The following ATAD1 variants were observed in gnomAD, a reference collection of about 807,000 sequenced individuals.
ATAD1 encodes the protein ATPase family AAA domain containing 1.
A neutral mutation model predicts 42.7 loss-of-function variants in ATAD1; 18 were observed. That is an observed-to-expected ratio of 0.42 (90% CI 0.29 to 0.63). The LOEUF is 0.63. ATAD1 is among the 20% of genes least tolerant of loss of function. The probability of loss-of-function intolerance (pLI) is 0.19; values close to 1 mark genes in which losing one functional copy is unlikely to be tolerated. For synonymous variants in ATAD1, 132 were observed against 143.1 expected, an observed-to-expected ratio of 0.92 and a Z score of 0.55; for missense variants, 294 against 440.4, an observed-to-expected ratio of 0.67 and a Z score of 2.98.
chr10:87,764,614 T>C (rs949508703), intron 8 of ATAD1, among the ~76,000 whole-genome samples: 3 of 152,232 alleles, frequency 2.0e-5, no homozygotes, highest in Admixed American at 6.5e-5. Context: ...TGAGATATTA[T>C]GTTTCTCCTG....
At chr10:87,826,735 C>G (rs958254002) in intron 1 of ATAD1, among the ~76,000 whole-genome samples, 4 of 152,100 alleles carry the variant, frequency 2.6e-5, no homozygotes, top group African/African-American at 9.7e-5. Flanking sequence ...CTCTTCTGTC[C>G]CTCTCTCACC....
At chr10:87,794,464 C>T (rs112521371) in intron 2 of ATAD1, among the ~76,000 whole-genome samples, 92 of 152,278 alleles carry the variant, frequency 6.0e-4, no homozygotes, top group Non-Finnish European at 1.1e-3. Context: ...ATGTGAAACC[C>T]TCCCACATGT....
intron 1 of ATAD1, among the ~76,000 whole-genome samples, chr10:87,824,924 C>A (rs1318513643): frequency 6.6e-6 from 1 of 152,084 alleles, no homozygotes; most frequent in Admixed American, 6.5e-5. Flanking sequence ...CCCTACGACC[C>A]AAAGATAATA....
At position 87,768,982 on chromosome 10, in the gene ATAD1, C is replaced by G. The variant is rs557590989; in HGVS notation, c.781-1259G>C. 2.8e-4 allele frequency among the ~76,000 whole-genome samples: 42 copies of G among 152,130 alleles called. No homozygotes were observed. The South Asian group carries it at 3.9e-3, about 14-fold the overall frequency. On this transcript the variant is annotated intron_variant, in intron 7 of 9. Transcript: ENST00000680024. ...TATAGTCCTAACTACTCAGGAGGCT[C>G]AGGTGGAAAGACTGTTTGAGCCCAA...
chr10:87,781,667 G>A (rs1000246785), intron 5 of ATAD1, among the ~76,000 whole-genome samples: 2 of 152,076 alleles, frequency 1.3e-5, no homozygotes, highest in Non-Finnish European at 2.9e-5. Context: ...TGAAGATGGG[G>A]TCTTGCTCTG....
intron 2 of ATAD1, among the ~76,000 whole-genome samples, chr10:87,803,718 G>A (rs2132013107): frequency 6.6e-6 from 1 of 152,372 alleles, no homozygotes; most frequent in East Asian, 1.9e-4. Flanking sequence ...GCTGTGTCAT[G>A]GGTGCATGTT....
At chr10:87,767,984 T>TTTA (rs372313093) in intron 7 of ATAD1, among the ~76,000 whole-genome samples, 4 of 152,302 alleles carry the variant, frequency 2.6e-5, no homozygotes, top group African/African-American at 9.6e-5. Context: ...TAATCTTTAA[T>TTTA]GAGTAAATGA....
intron 8 of ATAD1, 32 bp from the exon 9 acceptor site, chr10:87,756,954 C>A: frequency 1.3e-6 from 2 of 1,549,558 alleles, no homozygotes; most frequent in Non-Finnish European, 1.7e-6. Context: ...GCTTAAAAAA[C>A]AAAAATAAAT....
chr10:87,814,161 C>A lies in ATAD1; in HGVS notation c.162+277G>T, dbSNP rs147097755. 8.7e-4 allele frequency among the ~76,000 whole-genome samples: 132 copies of A among 152,124 alleles called. 1 individual carries two copies. Among genetic ancestry groups the A allele is most frequent in the African/African-American group, 2.8e-3 (118 of 41,534 alleles). ...AAAAACTTTTATCTAGATCCTACCT[C>A]CAAAGCTGACAAAAATATTCTAATG... On this transcript the variant is annotated intron_variant, in intron 2 of 9. Coordinates refer to ENST00000680024, the MANE Select transcript of ATAD1 (RefSeq NM_001321967.2).
At chr10:87,761,958 C>T (rs1341160334) in intron 8 of ATAD1, among the ~76,000 whole-genome samples, 4 of 151,884 alleles carry the variant, frequency 2.6e-5, no homozygotes, top group Non-Finnish European at 5.9e-5. Flanking sequence ...TTGCCCGGAC[C>T]TGTCTCAAAC....
upstream of ATAD1, among the ~76,000 whole-genome samples, chr10:87,819,719 G>A (rs1857591255): frequency 6.6e-6 from 1 of 152,110 alleles, no homozygotes; most frequent in Non-Finnish European, 1.5e-5. Flanking sequence ...CAATTTCATT[G>A]GAACATAGGT....
At chr10:87,817,061 G>C (rs1857449310) in intron 1 of ATAD1, among the ~76,000 whole-genome samples, 1 of 152,110 alleles carries the variant, frequency 6.6e-6, no homozygotes, top group South Asian at 2.1e-4. Flanking sequence ...AATTTTTAAT[G>C]TAATAAAGAC....
chr10:87,758,083 TTA>T (rs1854307426), intron 8 of ATAD1, among the ~76,000 whole-genome samples: 1 of 152,220 alleles, frequency 6.6e-6, no homozygotes, highest in Admixed American at 6.5e-5. Context: ...GTAATAATAG[TTA>T]TTATAGTAGT....
intron 2 of ATAD1, among the ~76,000 whole-genome samples, chr10:87,796,044 A>C (rs1490441456): frequency 4.6e-5 from 7 of 152,194 alleles, no homozygotes; most frequent in African/African-American, 1.7e-4. Context: ...ACTAACAAGG[A>C]TTCTGAGTAT....
intron 4 of ATAD1, 44 bp from the exon 5 acceptor site, chr10:87,784,714 C>T (rs764384636): frequency 5.2e-6 from 8 of 1,548,790 alleles, no homozygotes; most frequent in Non-Finnish European, 7.1e-6. Flanking sequence ...GGGATATTTG[C>T]TTCAATTTAT....
At chr10:87,827,758 A>G (rs1251676602) in intron 1 of ATAD1, among the ~76,000 whole-genome samples, 2 of 152,196 alleles carry the variant, frequency 1.3e-5, no homozygotes, top group Admixed American at 6.5e-5. Context: ...AATTAGGCCA[A>G]TTAATAACCC....
At chr10:87,762,085 T>C (rs1854509023) in intron 8 of ATAD1, among the ~76,000 whole-genome samples, 1 of 152,116 alleles carries the variant, frequency 6.6e-6, no homozygotes, top group Non-Finnish European at 1.5e-5. Flanking sequence ...TGAAACTAAA[T>C]AACCTGTGTA....
At chr10:87,788,700 T>C (rs948798755) in intron 4 of ATAD1, among the ~76,000 whole-genome samples, 1 of 152,194 alleles carries the variant, frequency 6.6e-6, no homozygotes, top group African/African-American at 2.4e-5. Context: ...TCCAACAGCA[T>C]ATAAAAGGTA....
rs1161741338 is a variant in ATAD1, at chr10:87,754,376, A to G, written c.*311T>C. 5.6e-6 allele frequency: 1 copy of G among 177,806 alleles called. No individual in the cohort carries two copies. The allele number at this position is 177,806 out of a possible 1,614,324, so 11.0% of individuals were successfully genotyped here. A position where few individuals can be genotyped will look rare whatever the true frequency, so the allele number is the denominator to read the frequency against. ...CCTAACCACATCCCCGTTTCTCACT[A>G]ATGACCCAATGAATCATTTATGACT... On this transcript the variant is annotated 3_prime_UTR_variant, in exon 10 of 10. Coordinates refer to ENST00000680024, the MANE Select transcript of ATAD1 (RefSeq NM_001321967.2).
Sources: gnomAD v4.1 joint callset for allele counts (sites outside exome capture counted in the v4.1 genomes callset) on GRCh38, gnomAD v4.1.1 for gene constraint, MANE v1.5 for transcripts, NCBI Gene and HGNC (gene_info 2026-07-23, HGNC 2026-07-21) for gene names.